The following ARHGAP26 variants were observed in gnomAD, a reference collection of about 807,000 sequenced individuals.
ARHGAP26 encodes the protein rho GTPase-activating protein 26.
In ARHGAP26, 38 loss-of-function variants were observed where a neutral mutation model predicts 104.8. The observed-to-expected ratio is 0.36, with a 90% CI of 0.28 to 0.48. The LOEUF is 0.48. ARHGAP26 is among the 20% of genes least tolerant of loss of function. ARHGAP26 has a pLI of 0.99. For synonymous variants in ARHGAP26, 341 were observed against 340.0 expected (o/e 1.00, Z -0.03); for missense variants, 704 against 947.9 (o/e 0.74, Z 3.38).
intron 20 of ARHGAP26, among the ~76,000 whole-genome samples, chr5:143,159,201 C>G (rs755059450): frequency 1.7e-4 from 26 of 152,334 alleles, no homozygotes; most frequent in Non-Finnish European, 2.8e-4. Flanking sequence ...CCTTGGCCGT[C>G]TCCTTCCCCC....
At chr5:143,043,306 C>T (rs759625349) in intron 14 of ARHGAP26, among the ~76,000 whole-genome samples, 8 of 152,074 alleles carry the variant, frequency 5.3e-5, no homozygotes, top group Non-Finnish European at 4.4e-5. Context: ...AATACAGAAC[C>T]TTTTGGGATT....
chr5:143,018,184 T>C (rs1481305599), intron 12 of ARHGAP26, among the ~76,000 whole-genome samples: 2 of 152,240 alleles, frequency 1.3e-5, no homozygotes, highest in African/African-American at 4.8e-5. Flanking sequence ...CATTTTTCTA[T>C]TTCAGTTACC....
At chr5:142,789,179 C>T (rs1318334389) in intron 1 of ARHGAP26, among the ~76,000 whole-genome samples, 5 of 152,186 alleles carry the variant, frequency 3.3e-5, no homozygotes, top group African/African-American at 9.6e-5. Context: ...TGGGGTAGCA[C>T]GTGCAAAGCA....
chr5:143,201,064 C>T (rs1479584918), intron 20 of ARHGAP26, among the ~76,000 whole-genome samples: 1 of 152,250 alleles, frequency 6.6e-6, no homozygotes, highest in Non-Finnish European at 1.5e-5. Context: ...GTTATTCTTT[C>T]ACTGTCCAGT....
intron 17 of ARHGAP26, among the ~76,000 whole-genome samples, chr5:143,090,378 C>T (rs1243153608): frequency 1.3e-5 from 2 of 152,240 alleles, no homozygotes; most frequent in Admixed American, 6.5e-5. Flanking sequence ...CCATTCCAAC[C>T]AGGCATTTGC....
chr5:142,898,778 G>GC (rs939262482), intron 6 of ARHGAP26, among the ~76,000 whole-genome samples: 2 of 152,186 alleles, frequency 1.3e-5, no homozygotes, highest in Non-Finnish European at 2.9e-5. Flanking sequence ...ATGTGGCTTA[G>GC]CCCCCTCAGC....
At chr5:142,818,125 G>T (rs1765475556) in intron 1 of ARHGAP26, among the ~76,000 whole-genome samples, 1 of 152,098 alleles carries the variant, frequency 6.6e-6, no homozygotes, top group South Asian at 2.1e-4. Context: ...GGTATTGGCA[G>T]GCTTCCTTGG....
At chr5:143,041,970 T>C in intron 14 of ARHGAP26, 80 bp downstream of exon 14, 2 of 1,243,424 alleles carry the variant, frequency 1.6e-6, no homozygotes, top group South Asian at 1.3e-5. Flanking sequence ...TGTGAGTAGA[T>C]ACAGCCTGTG....
intron 11 of ARHGAP26, among the ~76,000 whole-genome samples, chr5:142,933,356 GA>G (rs141558472): frequency 0.038 from 5,803 of 152,254 alleles, 120 homozygotes; most frequent in South Asian, 0.057. Context: ...TAAGTGCTGT[GA>G]TTCCATTTTA....
At chr5:143,175,515 G>A (rs889272952) in intron 20 of ARHGAP26, among the ~76,000 whole-genome samples, 7 of 151,762 alleles carry the variant, frequency 4.6e-5, no homozygotes, top group Non-Finnish European at 7.4e-5. Context: ...CAAATTTTCA[G>A]TGTCTACTCG....
rs1554172167 is a variant in ARHGAP26 at position 142,963,181 on chromosome 5, T to TATATATATAC, written c.1107+31065_1107+31066insCATATATATA. 4.4e-3 allele frequency among the ~76,000 whole-genome samples: 490 copies of TATATATATAC among 111,352 alleles called. 22 individuals are homozygous for TATATATATAC. The highest frequency in any genetic ancestry group is 0.022 in the African/African-American group (434 of 19,426). The allele number at this position is 111,352 out of a possible 152,430, so 73.1% of individuals were successfully genotyped here. A position where few individuals can be genotyped will look rare whatever the true frequency, so the allele number is the denominator to read the frequency against. On this transcript the variant is annotated intron_variant, in intron 11 of 22. Transcript: ENST00000645722. ...ATTCCATGGTATATATGTATATATA[T>TATATATATAC]ATATATATATATATATATGTGTGTG...
chr5:143,009,625 T>C (rs770959739), intron 11 of ARHGAP26, among the ~76,000 whole-genome samples: 27 of 152,248 alleles, frequency 1.8e-4, no homozygotes, highest in Non-Finnish European at 3.7e-4. Context: ...CTTTAATGAT[T>C]CTTAGATGGA....
At chr5:142,925,458 C>G (rs1321326292) in intron 10 of ARHGAP26, among the ~76,000 whole-genome samples, 2 of 152,192 alleles carry the variant, frequency 1.3e-5, no homozygotes, top group Admixed American at 6.5e-5. Context: ...TCTGTAATCT[C>G]ATAAACAGAC....
intron 10 of ARHGAP26, among the ~76,000 whole-genome samples, chr5:142,919,023 A>C (rs1239003979): frequency 6.6e-6 from 1 of 152,232 alleles, no homozygotes; most frequent in East Asian, 1.9e-4. Flanking sequence ...GGATAATTTT[A>C]AAAAATTTCC....
chr5:143,150,001 A>G lies in ARHGAP26; in HGVS notation c.1988+2620A>G, dbSNP rs1250984295. 2.0e-5 allele frequency among the ~76,000 whole-genome samples: 3 copies of G among 152,282 alleles called. No homozygotes were observed. The East Asian group carries it at 5.8e-4, about 29-fold the overall frequency. On this transcript the variant is annotated intron_variant, in intron 20 of 22. Coordinates refer to ENST00000645722, the MANE Select transcript of ARHGAP26 (RefSeq NM_001135608.3). ...GATAATACATTTTGCTGTATTACTA[A>G]TCTTTCCTAATTCTCCAAGGACATC...
chr5:143,121,158 A>G lies in ARHGAP26; in HGVS notation c.1698+11A>G, dbSNP rs775984100. The G allele has an allele frequency of 1.2e-6, 2 of 1,609,438 alleles. No individual in the cohort carries two copies. Among genetic ancestry groups the G allele is most frequent in the Non-Finnish European group, 1.7e-6 (2 of 1,176,882 alleles). On this transcript the variant is annotated intron_variant, in intron 18 of 22. Coordinates refer to ENST00000645722, the MANE Select transcript of ARHGAP26 (RefSeq NM_001135608.3). ...GAAAACCACGAAAAGGTAATATGTA[A>G]TTGATCACTTGCAGTGAAGAATGTA...
At chr5:142,988,996 G>A (rs1343233842) in intron 11 of ARHGAP26, among the ~76,000 whole-genome samples, 1 of 152,206 alleles carries the variant, frequency 6.6e-6, no homozygotes, top group South Asian at 2.1e-4. Flanking sequence ...TTCTGTAAAT[G>A]TCTTTTAGGT....
At chr5:143,075,532 C>A (rs1598902236) in intron 17 of ARHGAP26, among the ~76,000 whole-genome samples, 2 of 152,080 alleles carry the variant, frequency 1.3e-5, no homozygotes, top group African/African-American at 4.8e-5. Flanking sequence ...CACTGGGCCT[C>A]ACTCAAGATT....
chr5:142,932,642 G>C (rs1017087675), intron 11 of ARHGAP26, among the ~76,000 whole-genome samples: 1 of 152,174 alleles, frequency 6.6e-6, no homozygotes, highest in Admixed American at 6.5e-5. Flanking sequence ...AAATCTCAAG[G>C]TTGCAGAAAT....
Sources: gnomAD v4.1 joint callset for allele counts (sites outside exome capture counted in the v4.1 genomes callset) on GRCh38, gnomAD v4.1.1 for gene constraint, MANE v1.5 for transcripts, NCBI Gene and HGNC (gene_info 2026-07-23, HGNC 2026-07-21) for gene names.